The following CSNK2A1 variants were observed in gnomAD, a reference collection of about 807,000 sequenced individuals.
CSNK2A1 encodes casein kinase II subunit alpha.
Under a neutral mutation model 62.9 loss-of-function variants are expected in CSNK2A1, and 10 were observed. That is an observed-to-expected ratio of 0.16 (90% confidence interval 0.10 to 0.27). The LOEUF (loss-of-function observed/expected upper bound fraction) is 0.27, where lower values mean the gene tolerates loss of function less well. Ranked by LOEUF, CSNK2A1 falls within the 10% of genes least tolerant of loss-of-function variation. The pLI is 1.00. For missense variants in CSNK2A1, 160 were observed against 492.0 expected (o/e 0.33, Z 6.38); for synonymous variants, 124 against 167.8 (o/e 0.74, Z 2.02).
chr20:533,998 T>C (rs1488727176), intron 1 of CSNK2A1, among the ~76,000 whole-genome samples: 14 of 152,168 alleles, frequency 9.2e-5, no homozygotes, highest in Non-Finnish European at 1.5e-5. Context: ...GCTATTACCC[T>C]CTGGAACCAA....
intron 1 of CSNK2A1, among the ~76,000 whole-genome samples, chr20:531,790 C>T (rs1480792435): frequency 6.6e-6 from 1 of 152,130 alleles, no homozygotes; most frequent in Non-Finnish European, 1.5e-5. Context: ...GAGTATGAGA[C>T]CCAAGCTTGA....
intron 1 of CSNK2A1, among the ~76,000 whole-genome samples, chr20:528,548 T>C (rs2019145127): frequency 6.6e-6 from 1 of 152,220 alleles, no homozygotes; most frequent in Non-Finnish European, 1.5e-5. Flanking sequence ...CCTTAGTAGC[T>C]GGGACCATAG....
intron 12 of CSNK2A1, 31 bp downstream of exon 12, chr20:487,396 C>A (rs1600370229): frequency 6.2e-7 from 1 of 1,612,732 alleles, no homozygotes; most frequent in Admixed American, 1.7e-5. Flanking sequence ...TGCGCCTGCA[C>A]AAACTCTGTG....
intron 7 of CSNK2A1, among the ~76,000 whole-genome samples, chr20:497,265 A>C (rs2018363815): frequency 6.6e-6 from 1 of 152,154 alleles, no homozygotes; most frequent in African/African-American, 2.4e-5. Context: ...CTCCTGTCAC[A>C]GCCTCCCAAG....
chr20:493,271 T>C (rs1201207090), intron 8 of CSNK2A1, among the ~76,000 whole-genome samples: 2 of 152,154 alleles, frequency 1.3e-5, no homozygotes, highest in African/African-American at 4.8e-5. Context: ...ACCATTATCA[T>C]CACCTCCACT....
At chr20:510,020 C>T (rs1180303210) in intron 2 of CSNK2A1, 1 of 152,368 alleles carries the variant, frequency 6.6e-6, no homozygotes, top group South Asian at 2.1e-4. Context: ...AAATGCAATA[C>T]TCTAGACTGT....
chr20:532,330 A>AT lies in CSNK2A1; in HGVS notation c.-226-4282dup, dbSNP rs138287291. On this transcript the variant is annotated intron_variant, in intron 1 of 13. Transcript: ENST00000217244. ...AGGCAAGCGCCACCATGCCCGGCTA[A>AT]TTTTTTTTTTTTTTTTTTTTTGTAT... Among the ~76,000 whole-genome samples, 975 of 121,948 alleles carry AT rather than the reference A, an allele frequency of 8.0e-3. 8 individuals are homozygous for AT. The highest frequency in any genetic ancestry group is 0.012 in the Middle Eastern group (3 of 246). The allele number at this position is 121,948 out of a possible 152,430, so 80.0% of individuals were successfully genotyped here. A position where few individuals can be genotyped will look rare whatever the true frequency, so the allele number is the denominator to read the frequency against.
intron 2 of CSNK2A1, among the ~76,000 whole-genome samples, chr20:513,324 CCTGT>C (rs755187105): frequency 5.9e-5 from 9 of 152,210 alleles, no homozygotes; most frequent in African/African-American, 1.9e-4. Context: ...ACTTATAAAA[CCTGT>C]CTAACTGTGC....
At chr20:537,021 T>C (rs1405837422) in intron 1 of CSNK2A1, among the ~76,000 whole-genome samples, 3 of 152,160 alleles carry the variant, frequency 2.0e-5, no homozygotes, top group African/African-American at 4.8e-5. Flanking sequence ...TTATAGAACA[T>C]TGATGAGATA....
At position 473,293 on chromosome 20, in the gene CSNK2A1, G is replaced by A. The variant is rs1415957217; in HGVS notation, c.*10668C>T. 2.0e-5 allele frequency: 3 copies of A among 152,532 alleles called. No homozygotes were observed. In the East Asian group the frequency reaches 5.8e-4, roughly 29 times the overall value. 9.4% of individuals were successfully genotyped at this position (152,532 alleles called of 1,614,324 possible). On this transcript the variant is annotated 3_prime_UTR_variant, in exon 14 of 14. Coordinates refer to ENST00000217244, the MANE Select transcript of CSNK2A1 (RefSeq NM_177559.3). ...CTTACCATTGGCAGGTGGGGGAGGA[G>A]GGAATTCTCTGTTCTGATCAAGTCT...
At chr20:495,966 TCA>T (rs1420940945) in intron 7 of CSNK2A1, 164 bp from the exon 8 acceptor site, 7 of 589,566 alleles carry the variant, frequency 1.2e-5, no homozygotes, top group Non-Finnish European at 2.1e-5. Context: ...GTTCATGATC[TCA>T]CAGTCAAGCA....
intron 2 of CSNK2A1, among the ~76,000 whole-genome samples, chr20:508,901 G>T (rs1311947467): frequency 1.3e-5 from 2 of 152,144 alleles, no homozygotes; most frequent in African/African-American, 4.8e-5. Flanking sequence ...TACCTCTGCA[G>T]GCAAAATTTG....
intron 2 of CSNK2A1, chr20:510,020 C>G (rs1180303210): frequency 6.6e-6 from 1 of 152,250 alleles, no homozygotes. Context: ...AAATGCAATA[C>G]TCTAGACTGT....
intron 3 of CSNK2A1, among the ~76,000 whole-genome samples, chr20:505,586 TCTCCTGAC>T (rs2018562549): frequency 6.6e-6 from 1 of 151,504 alleles, no homozygotes; most frequent in Non-Finnish European, 1.5e-5. Context: ...ATGGTCTCGA[TCTCCTGAC>T]CTCGTGATTC....
intron 6 of CSNK2A1, chr20:498,837 T>A (rs575004287): frequency 6.6e-6 from 1 of 152,518 alleles, no homozygotes; most frequent in Non-Finnish European, 1.5e-5. Flanking sequence ...TCCCTGCCTT[T>A]TAAGATCTAT....
intron 2 of CSNK2A1, among the ~76,000 whole-genome samples, chr20:522,008 T>A (rs192454574): frequency 6.6e-6 from 1 of 152,210 alleles, no homozygotes; most frequent in Non-Finnish European, 1.5e-5. Context: ...CATGGCCTGT[T>A]AGGAACCAGG....
chr20:541,707 C>G (rs557009410), intron 1 of CSNK2A1, among the ~76,000 whole-genome samples: 1 of 152,166 alleles, frequency 6.6e-6, no homozygotes. Context: ...ATGTGTATTT[C>G]TCTTCTCTGT....
At chr20:487,294 C>A (rs2018120953) in intron 12 of CSNK2A1, 133 bp downstream of exon 12, 11 of 1,261,088 alleles carry the variant, frequency 8.7e-6, no homozygotes, top group Non-Finnish European at 1.2e-5. Context: ...CCATCACTAT[C>A]CCCACTGGAA....
intron 1 of CSNK2A1, chr20:539,306 G>C (rs2019399018): frequency 6.6e-6 from 1 of 152,184 alleles, no homozygotes; most frequent in Non-Finnish European, 1.5e-5. Context: ...ATTCATTCAA[G>C]CTATTGGCTG....
Sources: allele counts gnomAD v4.1 joint callset (sites outside exome capture counted in the v4.1 genomes callset), GRCh38; gene constraint gnomAD v4.1.1; transcripts MANE v1.5; gene names NCBI Gene and HGNC (gene_info 2026-07-23, HGNC 2026-07-21).